The following NDST3 variants were observed in gnomAD, a reference collection of about 807,000 sequenced individuals.
NDST3 encodes the protein bifunctional heparan sulfate N-deacetylase/N-sulfotransferase 3.
A neutral mutation model predicts 96.1 loss-of-function variants in NDST3; 58 were observed. That is an observed-to-expected ratio of 0.60 (90% CI 0.49 to 0.75). The LOEUF is 0.75. Among genes scored for constraint, NDST3 ranks in the 30% least tolerant of loss-of-function variants. The pLI is 0.00. For synonymous variants in NDST3, 333 were observed against 359.7 expected, an observed-to-expected ratio of 0.93 and a Z score of 0.84; for missense variants, 788 against 1,034.2, an observed-to-expected ratio of 0.76 and a Z score of 3.27.
At chr4:118,148,605 AGATT>A (rs1354691941) in intron 6 of NDST3, among the ~76,000 whole-genome samples, 1 of 152,226 alleles carries the variant, frequency 6.6e-6, no homozygotes, top group Non-Finnish European at 1.5e-5. Flanking sequence ...ATTAACACAT[AGATT>A]GATTACAACT....
intron 4 of NDST3, among the ~76,000 whole-genome samples, chr4:118,136,166 A>G (rs1172460817): frequency 6.6e-6 from 1 of 152,094 alleles, no homozygotes; most frequent in Non-Finnish European, 1.5e-5. Flanking sequence ...TTCTTCCCAC[A>G]CTCTTCAAAA....
chr4:118,059,843 TTAA>T lies in NDST3; in HGVS notation c.981+4954_981+4956del, dbSNP rs1467461355. Among the ~76,000 whole-genome samples the T allele has an allele frequency of 2.6e-5, 4 of 152,166 alleles. No individual in the cohort carries two copies. In the South Asian group the frequency reaches 6.2e-4, roughly 24 times the overall value. On this transcript the variant is annotated intron_variant, in intron 2 of 13. Coordinates refer to ENST00000296499, the MANE Select transcript of NDST3 (RefSeq NM_004784.3). ...CAAGATCTGTACATTGTACATAGTA[TTAA>T]TGTTTTGTCATTTTTCTCCTAAACT...
chr4:118,142,413 G>A (rs1401203720), intron 5 of NDST3, among the ~76,000 whole-genome samples: 4 of 150,534 alleles, frequency 2.7e-5, no homozygotes, highest in South Asian at 2.1e-4. Flanking sequence ...AGGGCTAGAC[G>A]AAAATTTATT....
At position 118,253,620 on chromosome 4, in the gene NDST3, A is replaced by T. The variant is rs1741909417; in HGVS notation, c.2502+19A>T. The T allele has an allele frequency of 6.7e-7, 1 of 1,497,890 alleles. No individual in the cohort carries two copies. The highest frequency in any genetic ancestry group is 1.4e-5 in the African/African-American group (1 of 71,692). The allele number at this position is 1,497,890 out of a possible 1,614,324, so 92.8% of individuals were successfully genotyped here. On this transcript the variant is annotated intron_variant, in intron 13 of 13. Coordinates refer to ENST00000296499, the MANE Select transcript of NDST3 (RefSeq NM_004784.3). ...TTCTGATGTAAGCATAGACCTTAAA[A>T]ATACAAACTAAATCAGCAAAATGGT...
At chr4:118,254,198 T>C (rs1165508402) in intron 13 of NDST3, among the ~76,000 whole-genome samples, 1 of 150,454 alleles carries the variant, frequency 6.6e-6, no homozygotes, top group African/African-American at 2.5e-5. Flanking sequence ...TGAGCCCAGA[T>C]TGCACCATTG....
intron 2 of NDST3, among the ~76,000 whole-genome samples, chr4:118,103,945 G>A (rs1729963727): frequency 6.6e-6 from 1 of 152,140 alleles, no homozygotes; most frequent in Non-Finnish European, 1.5e-5. Context: ...AAATCAGGAA[G>A]AATCTCTTGC....
At chr4:118,072,217 T>G (rs1368405351) in intron 2 of NDST3, among the ~76,000 whole-genome samples, 2 of 152,052 alleles carry the variant, frequency 1.3e-5, no homozygotes, top group African/African-American at 4.8e-5. Flanking sequence ...TTCAGGCACT[T>G]TTTTTTGTTT....
intron 2 of NDST3, among the ~76,000 whole-genome samples, chr4:118,080,351 T>C (rs1283625072): frequency 2.0e-5 from 3 of 151,924 alleles, no homozygotes; most frequent in Non-Finnish European, 2.9e-5. Flanking sequence ...AGGAACTCAA[T>C]AGCATACTGA....
chr4:118,103,912 G>A (rs1729961084), intron 2 of NDST3, among the ~76,000 whole-genome samples: 1 of 152,154 alleles, frequency 6.6e-6, no homozygotes, highest in Non-Finnish European at 1.5e-5. Flanking sequence ...TTTGAACCCA[G>A]AAGTTCTCTA....
chr4:118,136,136 T>C (rs1325389539), intron 4 of NDST3, among the ~76,000 whole-genome samples: 1 of 152,170 alleles, frequency 6.6e-6, no homozygotes, highest in Non-Finnish European at 1.5e-5. Flanking sequence ...TTTTATAACA[T>C]AGCTCTTGTC....
chr4:118,131,454 C>T (rs1039115727), intron 4 of NDST3, among the ~76,000 whole-genome samples: 15 of 152,002 alleles, frequency 9.9e-5, no homozygotes, highest in African/African-American at 3.1e-4. Context: ...CTCATTATTT[C>T]AATCTCTTTG....
intron 12 of NDST3, among the ~76,000 whole-genome samples, chr4:118,247,624 T>C (rs1022088898): frequency 3.3e-5 from 5 of 152,068 alleles, no homozygotes; most frequent in Non-Finnish European, 7.4e-5. Context: ...TTGACTGCAA[T>C]GGGCTGCAAA....
At chr4:118,125,817 T>A (rs914060465) in intron 4 of NDST3, among the ~76,000 whole-genome samples, 1 of 152,080 alleles carries the variant, frequency 6.6e-6, no homozygotes, top group African/African-American at 2.4e-5. Context: ...AGAAATATTA[T>A]CATTTATCAC....
chr4:118,125,175 T>C (rs1731944754), intron 4 of NDST3, among the ~76,000 whole-genome samples: 1 of 152,094 alleles, frequency 6.6e-6, no homozygotes, highest in African/African-American at 2.4e-5. Flanking sequence ...CTGAGTCATC[T>C]TGTTAGCATA....
chr4:118,225,971 G>T (rs1739852296), intron 7 of NDST3, among the ~76,000 whole-genome samples: 1 of 151,488 alleles, frequency 6.6e-6, no homozygotes, highest in African/African-American at 2.4e-5. Context: ...TATTTCAGGT[G>T]ACAAGTTTTA....
chr4:118,126,514 G>GTATATATA (rs776694923), intron 4 of NDST3, among the ~76,000 whole-genome samples: 170 of 49,168 alleles, frequency 3.5e-3, no homozygotes, highest in African/African-American at 6.7e-3. Context: ...GTATGTATGT[G>GTATATATA]TATATATATA....
intron 6 of NDST3, among the ~76,000 whole-genome samples, chr4:118,187,010 A>G (rs1015708291): frequency 2.6e-5 from 4 of 152,202 alleles, no homozygotes; most frequent in Non-Finnish European, 5.9e-5. Context: ...GGATAATACC[A>G]AGAGTTTGGA....
intron 6 of NDST3, among the ~76,000 whole-genome samples, chr4:118,153,732 G>C (rs1161804390): frequency 6.6e-6 from 1 of 152,146 alleles, no homozygotes. Flanking sequence ...GCTGAGGCAG[G>C]AGAATTGCTT....
intron 10 of NDST3, among the ~76,000 whole-genome samples, chr4:118,238,211 GAAA>G (rs1740801223): frequency 1.6e-5 from 2 of 123,238 alleles, no homozygotes; most frequent in East Asian, 2.3e-4. Context: ...AAGAAAGAAA[GAAA>G]GAAAGAAAGA....
Sources: allele counts gnomAD v4.1 joint callset (sites outside exome capture counted in the v4.1 genomes callset), GRCh38; gene constraint gnomAD v4.1.1; transcripts MANE v1.5; gene names NCBI Gene and HGNC (gene_info 2026-07-23, HGNC 2026-07-21).